Variants in LZTS1 observed in about 807,000 individuals in gnomAD.
LZTS1 encodes leucine zipper putative tumor suppressor 1.
LZTS1 carries 31 observed loss-of-function variants against 45.8 expected under a neutral mutation model. The ratio of observed to expected loss-of-function variants is 0.68; its 90% CI spans 0.51 to 0.91. The LOEUF (loss-of-function observed/expected upper bound fraction) is 0.91. LZTS1 is among the 40% of genes least tolerant of loss of function. The probability of loss-of-function intolerance (pLI) is 0.00; values close to 1 mark genes in which losing one functional copy is unlikely to be tolerated. For synonymous variants in LZTS1, 359 were observed against 357.3 expected (o/e 1.00, Z -0.05); for missense variants, 821 against 788.9 (o/e 1.04, Z -0.49).
At position 20,251,883 on chromosome 8, in the gene LZTS1, T is replaced by C. The variant is rs551059046; in HGVS notation, c.1149+899A>G. Among the ~76,000 whole-genome samples, 6 of 152,058 alleles carry C rather than the reference T, an allele frequency of 3.9e-5. No individual in the cohort carries two copies. In the East Asian group the frequency reaches 7.7e-4, roughly 20 times the overall value. Reference sequence around the variant, plus strand: ...CAGGCTGACACCAAAACCAATACCATTGGTGTTAAATGGGGGTGATACAGC... The same window carrying C: ...CAGGCTGACACCAAAACCAATACCACTGGTGTTAAATGGGGGTGATACAGC... On this transcript the variant is annotated intron_variant, in intron 3 of 3. Transcript: ENST00000381569.
intron 1 of LZTS1, among the ~76,000 whole-genome samples, chr8:20,265,100 G>C (rs1386648710): frequency 1.3e-5 from 2 of 152,180 alleles, no homozygotes; most frequent in African/African-American, 4.8e-5. Flanking sequence ...CGGGGAGCAA[G>C]CTGTCTGCAG....
intron 2 of LZTS1, 102 bp from the exon 3 acceptor site, chr8:20,253,687 C>CTGAGCGCA (rs1379485057): frequency 1.1e-6 from 1 of 883,162 alleles, no homozygotes; most frequent in African/African-American, 1.7e-5. Context: ...TCTGGGCTCT[C>CTGAGCGCA]TGAGCGCACG....
intron 1 of LZTS1, chr8:20,289,148 C>T (rs1045397182): frequency 6.6e-6 from 1 of 152,060 alleles, no homozygotes; most frequent in Non-Finnish European, 1.5e-5. Flanking sequence ...AATTCCATTT[C>T]GGGCCTTTAG....
chr8:20,286,944 GA>G (rs1172867157), intron 1 of LZTS1, among the ~76,000 whole-genome samples: 1 of 152,162 alleles, frequency 6.6e-6, no homozygotes, highest in Admixed American at 6.5e-5. Flanking sequence ...ATTAGCAGAG[GA>G]AGACAAGGGG....
intron 1 of LZTS1, among the ~76,000 whole-genome samples, chr8:20,288,686 C>T (rs1800842236): frequency 6.6e-6 from 1 of 152,170 alleles, no homozygotes; most frequent in Non-Finnish European, 1.5e-5. Flanking sequence ...ACATGGCTCT[C>T]CCACCACTGG....
At chr8:20,259,542 AC>A (rs1312515784) in intron 1 of LZTS1, among the ~76,000 whole-genome samples, 5 of 151,902 alleles carry the variant, frequency 3.3e-5, no homozygotes, top group Non-Finnish European at 7.4e-5. Context: ...CCTAATGGGA[AC>A]CCTTCCAGTC....
At chr8:20,280,222 T>C (rs1800661226) in intron 1 of LZTS1, among the ~76,000 whole-genome samples, 1 of 152,146 alleles carries the variant, frequency 6.6e-6, no homozygotes, top group South Asian at 2.1e-4. Flanking sequence ...CTTCTTAGAG[T>C]AGCCCACAAT....
Position 20,256,060 on chromosome 8 carries a change from CAA to C in LZTS1, c.-134-747_-134-746del, listed in dbSNP as rs386412254. On this transcript the variant is annotated intron_variant, in intron 1 of 3. Transcript: ENST00000381569. ...ACTGCACTCCAGCCTGGGCCTGACT[CAA>C]AAAAAAAAAAAAAAAAAAAAAAGAA... Among the ~76,000 whole-genome samples, 548 of 56,460 alleles carry C rather than the reference CAA, an allele frequency of 9.7e-3. 5 individuals are homozygous for C. Among genetic ancestry groups the C allele is most frequent in the South Asian group, 0.024 (26 of 1,090 alleles). 37.0% of individuals were successfully genotyped at this position (56,460 alleles called of 152,430 possible). A position where few individuals can be genotyped will look rare whatever the true frequency, so the allele number is the denominator to read the frequency against.
At chr8:20,253,924 C>T (rs763650796) in intron 2 of LZTS1, among the ~76,000 whole-genome samples, 3 of 152,150 alleles carry the variant, frequency 2.0e-5, no homozygotes, top group Non-Finnish European at 4.4e-5. Flanking sequence ...TCAGGCTGGC[C>T]GAGCTTGCTG....
Position 20,249,397 on chromosome 8 carries a change from C to A in LZTS1, c.*325G>T. The A allele has an allele frequency of 3.6e-6, 1 of 275,662 alleles. No individual in the cohort carries two copies. The highest frequency in any genetic ancestry group is 6.9e-6 in the Non-Finnish European group (1 of 145,650). 17.1% of individuals were successfully genotyped at this position (275,662 alleles called of 1,614,324 possible). ...CCGCTGTACTTGCTGTGGCCACCTT[C>A]CCTGGAGGAGGGGGAGAGGATATCT... On this transcript the variant is annotated 3_prime_UTR_variant, in exon 4 of 4. Coordinates refer to ENST00000381569, the MANE Select transcript of LZTS1 (RefSeq NM_021020.5).
chr8:20,264,637 G>A (rs1033284511), intron 1 of LZTS1, among the ~76,000 whole-genome samples: 3 of 152,182 alleles, frequency 2.0e-5, no homozygotes, highest in African/African-American at 7.2e-5. Context: ...CTTTGGCTGA[G>A]CAGAGGGGTT....
At chr8:20,277,688 A>G (rs1800611514) in intron 1 of LZTS1, among the ~76,000 whole-genome samples, 1 of 152,192 alleles carries the variant, frequency 6.6e-6, no homozygotes, top group Non-Finnish European at 1.5e-5. Flanking sequence ...GGGTGTTAGA[A>G]AATTCCAGCA....
At chr8:20,282,012 TTCTC>T (rs1425811238) in intron 1 of LZTS1, among the ~76,000 whole-genome samples, 2 of 151,994 alleles carry the variant, frequency 1.3e-5, no homozygotes, top group East Asian at 3.9e-4. Context: ...ACAGGCTCCG[TTCTC>T]TCTGATGTTA....
intron 1 of LZTS1, among the ~76,000 whole-genome samples, chr8:20,272,896 A>G (rs937661077): frequency 3.3e-5 from 5 of 152,128 alleles, no homozygotes; most frequent in Non-Finnish European, 1.5e-5. Context: ...AAGTCTCCCA[A>G]TTCAAAAATA....
At chr8:20,300,950 T>C (rs765678586) in intron 1 of LZTS1, among the ~76,000 whole-genome samples, 1 of 151,704 alleles carries the variant, frequency 6.6e-6, no homozygotes, top group Non-Finnish European at 1.5e-5. Flanking sequence ...CAAAACCCCA[T>C]CTCTACTAAA....
At chr8:20,303,115 T>G (rs1217601888) in intron 1 of LZTS1, among the ~76,000 whole-genome samples, 3 of 152,074 alleles carry the variant, frequency 2.0e-5, no homozygotes, top group African/African-American at 4.8e-5. Flanking sequence ...GAATTGCACA[T>G]CCAGGACCGA....
chr8:20,298,590 C>A (rs577443676), intron 1 of LZTS1, among the ~76,000 whole-genome samples: 1 of 152,144 alleles, frequency 6.6e-6, no homozygotes, highest in Non-Finnish European at 1.5e-5. Context: ...AGGCTGGATG[C>A]GGTGGCTCAC....
rs1281924227 is a variant in LZTS1 at position 20,247,704 on chromosome 8, T to G, written c.*2018A>C. ...TAGAGCCAGCCACAGAAAAGGTGAC[T>G]CTGGCCTCAGCCCGCACTCAGGGAA... On this transcript the variant is annotated 3_prime_UTR_variant, in exon 4 of 4. Transcript: ENST00000381569. 2 of 152,336 alleles carry G rather than the reference T, an allele frequency of 1.3e-5. No individual in the cohort carries two copies. Among genetic ancestry groups the G allele is most frequent in the Non-Finnish European group, 2.9e-5 (2 of 68,140 alleles). 9.4% of individuals were successfully genotyped at this position (152,336 alleles called of 1,614,324 possible).
chr8:20,279,969 C>CAAA (rs57894688), intron 1 of LZTS1, among the ~76,000 whole-genome samples: 105 of 133,908 alleles, frequency 7.8e-4, no homozygotes, highest in African/African-American at 5.4e-4. Context: ...AACCGTGTCT[C>CAAA]AAAAAAAAAA....
Sources: allele counts gnomAD v4.1 joint callset (sites outside exome capture counted in the v4.1 genomes callset), GRCh38; gene constraint gnomAD v4.1.1; transcripts MANE v1.5; gene names NCBI Gene and HGNC (gene_info 2026-07-23, HGNC 2026-07-21).